Variants in TBC1D1 observed in about 807,000 individuals in gnomAD.
TBC1D1 encodes TBC1 domain family member 1.
Under a neutral mutation model 125.6 loss-of-function variants are expected in TBC1D1, and 89 were observed. The observed-to-expected ratio is 0.71, with a 90% CI of 0.60 to 0.85. TBC1D1 has a LOEUF of 0.85. Among genes scored for constraint, TBC1D1 ranks in the 40% least tolerant of loss-of-function variants. The pLI is 0.00. For synonymous variants in TBC1D1, 565 were observed against 564.1 expected (o/e 1.00, Z -0.02); for missense variants, 1,377 against 1,469.2 (o/e 0.94, Z 1.03).
chr4:38,013,640 G>A (rs969347342), intron 2 of TBC1D1, among the ~76,000 whole-genome samples: 1 of 152,176 alleles, frequency 6.6e-6, no homozygotes, highest in African/African-American at 2.4e-5. Context: ...ATTCACTGCC[G>A]TGCGGATTCA....
At position 37,977,709 on chromosome 4, in the gene TBC1D1, C is replaced by A. The variant is rs1220648407; in HGVS notation, c.418-36800C>A. 1.3e-5 allele frequency among the ~76,000 whole-genome samples: 2 copies of A among 152,082 alleles called. No individual in the cohort carries two copies. Among genetic ancestry groups the A allele is most frequent in the African/African-American group, 2.4e-5 (1 of 41,452 alleles). On this transcript the variant is annotated intron_variant, in intron 2 of 19. Coordinates refer to ENST00000261439, the MANE Select transcript of TBC1D1 (RefSeq NM_015173.4). The surrounding 1 kb of genome is among the most constrained non-coding windows in gnomAD (Gnocchi z 4.3). Reference sequence around the variant, plus strand: ...TTTCTCATTCATTAGTCTCCCAGATCCCTGTGGGGAGGACGGGCGAGGTAG... The same window carrying A: ...TTTCTCATTCATTAGTCTCCCAGATACCTGTGGGGAGGACGGGCGAGGTAG...
At chr4:38,058,672 G>A (rs1752201224) in intron 12 of TBC1D1, among the ~76,000 whole-genome samples, 1 of 152,170 alleles carries the variant, frequency 6.6e-6, no homozygotes, top group Non-Finnish European at 1.5e-5. Flanking sequence ...TCTCTTCCAG[G>A]TGAAAAAGCG....
chr4:38,103,142 A>C lies in TBC1D1; in HGVS notation c.2542A>C (p.Ile848Leu). 1 of 1,611,650 alleles carries C rather than the reference A, an allele frequency of 6.2e-7. No individual in the cohort carries two copies. Among genetic ancestry groups the C allele is most frequent in the African/African-American group, 1.3e-5 (1 of 74,920 alleles). ...GCAGCTGACTTCCCAGCAGCATGCG[A>C]TTCTTATTGACCTTGGTAAGTCTGT... Residue 848 changes from isoleucine to leucine, a missense_variant, in exon 15 of 20, where the codon ATT becomes CTT. Transcript: ENST00000261439.
chr4:37,904,325 T>C (rs1716838020), intron 2 of TBC1D1, among the ~76,000 whole-genome samples: 1 of 152,212 alleles, frequency 6.6e-6, no homozygotes, highest in Non-Finnish European at 1.5e-5. Flanking sequence ...TCTGGTCATA[T>C]TTGAGGAACA....
intron 2 of TBC1D1, among the ~76,000 whole-genome samples, chr4:37,928,632 T>A (rs1475838420): frequency 6.6e-6 from 1 of 152,214 alleles, no homozygotes; most frequent in Admixed American, 6.5e-5. Context: ...AATCTGGACC[T>A]TGATTTTGCA....
intron 2 of TBC1D1, among the ~76,000 whole-genome samples, chr4:37,919,643 C>CA (rs1394275574): frequency 4.6e-5 from 7 of 152,144 alleles, no homozygotes; most frequent in African/African-American, 1.7e-4. Context: ...TCTGCTGTAT[C>CA]ATCTGTTTCA....
intron 18 of TBC1D1, among the ~76,000 whole-genome samples, chr4:38,125,635 A>G (rs1764520045): frequency 6.6e-6 from 1 of 152,156 alleles, no homozygotes; most frequent in Non-Finnish European, 1.5e-5. Flanking sequence ...ATTCAGTTCA[A>G]TATCTGTGGC....
At chr4:38,059,362 A>G (rs1357458598) in intron 12 of TBC1D1, among the ~76,000 whole-genome samples, 1 of 152,250 alleles carries the variant, frequency 6.6e-6, no homozygotes, top group Non-Finnish European at 1.5e-5. Flanking sequence ...CACAGCAGGT[A>G]CTACATTGAA....
rs751175886 is a variant in TBC1D1, at chr4:38,014,979, A to G, written c.882+6A>G. The G allele has an allele frequency of 6.6e-7, 1 of 1,524,992 alleles. No homozygotes were observed. The highest frequency in any genetic ancestry group is 1.3e-5 in the South Asian group (1 of 77,758). The allele number at this position is 1,524,992 out of a possible 1,614,324, so 94.5% of individuals were successfully genotyped here. ...ATCGAACTATGCTCTTCACGGTAAA[A>G]TATCACCCAGCTCGTGCACAGCCCC... On this transcript the variant is annotated splice_donor_region_variant and intron_variant, in intron 3 of 19. Coordinates refer to ENST00000261439, the MANE Select transcript of TBC1D1 (RefSeq NM_015173.4). This position sits in a 1 kb window ranked among gnomAD's most constrained non-coding sequence, Gnocchi z 5.1.
intron 1 of TBC1D1, among the ~76,000 whole-genome samples, chr4:37,892,568 GATTTGTCCAGCC>G (rs11272603): frequency 0.089 from 13,515 of 152,134 alleles, 1,311 homozygotes; most frequent in East Asian, 0.4. Context: ...CTTTCCTGTG[GATTTGTCCAGCC>G]ATTTGCAAAC....
chr4:38,133,200 A>G lies in TBC1D1; in HGVS notation c.3249A>G (p.Leu1083=). Residue 1083 remains leucine (L), a synonymous_variant, in exon 19 of 20, where the codon TTA becomes TTG. Coordinates refer to ENST00000261439, the MANE Select transcript of TBC1D1 (RefSeq NM_015173.4). The stretch of plus-strand genomic sequence containing the variant: ...GTGACAACCAAAGAATGGATAAATT[A>G]GAGAAAACCAACAGCAGCTTACGCA... The G allele has an allele frequency of 6.2e-7, 1 of 1,614,260 alleles. No homozygotes were observed. Among genetic ancestry groups the G allele is most frequent in the East Asian group, 2.2e-5 (1 of 44,890 alleles).
At chr4:38,061,780 A>G (rs932754363) in intron 12 of TBC1D1, among the ~76,000 whole-genome samples, 2 of 152,244 alleles carry the variant, frequency 1.3e-5, no homozygotes, top group Non-Finnish European at 2.9e-5. Flanking sequence ...CCTAAACTGA[A>G]GTATATAATC....
In TBC1D1 at chr4:38,014,799, C is replaced by T. The variant is rs1742320145; in HGVS notation, c.708C>T (p.Phe236=). The change falls in exon 3 of 20, where the codon TTC becomes TTT. Residue 236 remains phenylalanine, a synonymous_variant. Transcript: ENST00000261439. This position sits in a 1 kb window ranked among gnomAD's most constrained non-coding sequence, Gnocchi z 5.1. ...TGCGCAGGCCCATGCGCAAGTCCTT[C>T]TCCCAGCCCGGCCTGCGCTCGCTGG... The T allele has an allele frequency of 6.6e-7, 1 of 1,511,054 alleles. No homozygotes were observed. The highest frequency in any genetic ancestry group is 9.0e-7 in the Non-Finnish European group (1 of 1,114,590). The allele number at this position is 1,511,054 out of a possible 1,614,324, so 93.6% of individuals were successfully genotyped here. A position where few individuals can be genotyped will look rare whatever the true frequency, so the allele number is the denominator to read the frequency against.
At chr4:37,912,639 A>T (rs1340588760) in intron 2 of TBC1D1, among the ~76,000 whole-genome samples, 1 of 152,208 alleles carries the variant, frequency 6.6e-6, no homozygotes, top group African/African-American at 2.4e-5. Flanking sequence ...AGAGATGATT[A>T]GGTCATGTGG....
At chr4:38,113,017 G>T (rs1762445857) in intron 15 of TBC1D1, among the ~76,000 whole-genome samples, 2 of 152,174 alleles carry the variant, frequency 1.3e-5, no homozygotes, top group Non-Finnish European at 2.9e-5. Context: ...TTGGCCCAAG[G>T]TTTGCCTTCT....
chr4:38,024,796 A>T (rs1261526043), intron 6 of TBC1D1, among the ~76,000 whole-genome samples: 2 of 152,250 alleles, frequency 1.3e-5, no homozygotes, highest in Non-Finnish European at 2.9e-5. Context: ...GCAGGAAGTT[A>T]TATGGTCTGA....
chr4:37,961,245 A>G lies in TBC1D1; in HGVS notation c.418-53264A>G, dbSNP rs1334939404. The G allele has an allele frequency of 4.7e-6, 3 of 635,510 alleles. No homozygotes were observed. In the African/African-American group the frequency reaches 5.5e-5, roughly 12 times the overall value. 39.4% of individuals were successfully genotyped at this position (635,510 alleles called of 1,614,324 possible). On this transcript the variant is annotated intron_variant, in intron 2 of 19. Coordinates refer to ENST00000261439, the MANE Select transcript of TBC1D1 (RefSeq NM_015173.4). ...GTCAACATGATTTACTTCTGTAGAG[A>G]AACAGGAGACAGGAAATAGCAAAGG...
chr4:37,917,093 C>T (rs1427227737), intron 2 of TBC1D1, among the ~76,000 whole-genome samples: 15 of 151,848 alleles, frequency 9.9e-5, no homozygotes, highest in Admixed American at 9.8e-4. Context: ...TTGTATGTTG[C>T]CACAGAGTGT....
At chr4:38,085,164 T>G (rs1235954860) in intron 12 of TBC1D1, among the ~76,000 whole-genome samples, 2 of 152,198 alleles carry the variant, frequency 1.3e-5, no homozygotes, top group Non-Finnish European at 2.9e-5. Context: ...TAATTTGGCA[T>G]CTAAAATATC....
Sources: allele counts gnomAD v4.1 joint callset (sites outside exome capture counted in the v4.1 genomes callset), GRCh38; gene constraint gnomAD v4.1.1; non-coding constraint Gnocchi (gnomAD v3.1); transcripts MANE v1.5; gene names NCBI Gene and HGNC (gene_info 2026-07-23, HGNC 2026-07-21).